Variants in ULK4 observed in about 807,000 individuals in gnomAD.
The protein encoded by ULK4 is unc-51 like kinase 4.
In ULK4, 133 loss-of-function variants were observed where a neutral mutation model predicts 160.6. That is an observed-to-expected ratio of 0.83 (90% CI 0.72 to 0.96). The LOEUF is 0.96. Ranked by LOEUF, ULK4 falls within the 40% of genes least tolerant of loss-of-function variation. The pLI is 0.00. For synonymous variants in ULK4, 534 were observed against 539.8 expected (o/e 0.99, Z 0.15); for missense variants, 1,580 against 1,499.5 (o/e 1.05, Z -0.89).
Position 41,825,995 on chromosome 3 carries a change from G to A in ULK4, c.1765-6489C>T, listed in dbSNP as rs576264445. On this transcript the variant is annotated intron_variant, in intron 18 of 36. Coordinates refer to ENST00000301831, the MANE Select transcript of ULK4 (RefSeq NM_017886.4). ...ACTCTACAAGCCAGAAGAGAGTGGGGACCAATATTCAACATTCTTAAAGAA... is the reference window on the plus strand; with the variant it reads ...ACTCTACAAGCCAGAAGAGAGTGGGAACCAATATTCAACATTCTTAAAGAA... 3.1e-3 allele frequency among the ~76,000 whole-genome samples: 477 copies of A among 152,292 alleles called. 1 individual carries two copies. The highest frequency in any genetic ancestry group is 0.011 in the African/African-American group (453 of 41,532).
At chr3:41,383,162 A>C (rs991794859) in intron 35 of ULK4, among the ~76,000 whole-genome samples, 11 of 151,016 alleles carry the variant, frequency 7.3e-5, no homozygotes, top group Non-Finnish European at 4.4e-5. Context: ...GCAATGGCGC[A>C]ATCTCAGGTC....
At chr3:41,269,288 A>G (rs182022207) in intron 35 of ULK4, among the ~76,000 whole-genome samples, 8 of 152,190 alleles carry the variant, frequency 5.3e-5, no homozygotes, top group African/African-American at 1.7e-4. Flanking sequence ...ATGCAAATCC[A>G]TGAAAGGAAT....
At chr3:41,557,908 T>G (rs1349605059) in intron 32 of ULK4, among the ~76,000 whole-genome samples, 1 of 152,080 alleles carries the variant, frequency 6.6e-6, no homozygotes, top group Non-Finnish European at 1.5e-5. Flanking sequence ...AAGACCTATA[T>G]AAAGAAAACT....
chr3:41,653,510 T>C (rs2034824453), intron 30 of ULK4, among the ~76,000 whole-genome samples: 1 of 152,202 alleles, frequency 6.6e-6, no homozygotes, highest in Non-Finnish European at 1.5e-5. Context: ...ACCTGAATAA[T>C]AAAATTCACA....
intron 30 of ULK4, among the ~76,000 whole-genome samples, chr3:41,654,137 C>A (rs1410420607): frequency 1.3e-5 from 2 of 152,176 alleles, no homozygotes; most frequent in Admixed American, 1.3e-4. Context: ...ACAAACTCAA[C>A]AGGTTCACAA....
At chr3:41,763,716 C>T (rs145394258) in intron 21 of ULK4, among the ~76,000 whole-genome samples, 35 of 152,292 alleles carry the variant, frequency 2.3e-4, no homozygotes, top group African/African-American at 7.7e-4. Context: ...TGGGTATACA[C>T]CTGCCAGGAG....
At chr3:41,384,656 C>G (rs1244604665) in intron 35 of ULK4, among the ~76,000 whole-genome samples, 1 of 152,166 alleles carries the variant, frequency 6.6e-6, no homozygotes, top group Non-Finnish European at 1.5e-5. Flanking sequence ...ATGATCTCGG[C>G]TCACTGCAAC....
rs147396812 is a variant in ULK4, at chr3:41,390,855, T to C, written c.3678+7224A>G. Among the ~76,000 whole-genome samples the C allele has an allele frequency of 2.4e-3, 365 of 152,250 alleles. 2 individuals carry two copies. Among genetic ancestry groups the C allele is most frequent in the African/African-American group, 8.4e-3 (351 of 41,558 alleles). On this transcript the variant is annotated intron_variant, in intron 35 of 36. Coordinates refer to ENST00000301831, the MANE Select transcript of ULK4 (RefSeq NM_017886.4). ...GAATGTATATTCTGTTGATTTGGGG[T>C]GGAGAGCTCTGTAGATGTCTATTAG...
At chr3:41,762,066 AG>A (rs2039000937) in intron 21 of ULK4, among the ~76,000 whole-genome samples, 1 of 152,224 alleles carries the variant, frequency 6.6e-6, no homozygotes, top group African/African-American at 2.4e-5. Flanking sequence ...CCTGGAAAAC[AG>A]AATGAGACCC....
At chr3:41,890,795 CGGGATGGGGGAAGGAAGGGAT>C in intron 16 of ULK4, among the ~76,000 whole-genome samples, 1 of 9,294 alleles carries the variant, frequency 1.1e-4, no homozygotes, top group African/African-American at 4.2e-4. Flanking sequence ...ACAGGAGGGA[CGGGATGGGGGAAGGAAGGGAT>C]GGGAGGGGGG....
chr3:41,667,005 A>G (rs1440091541), intron 29 of ULK4, among the ~76,000 whole-genome samples: 2 of 152,024 alleles, frequency 1.3e-5, no homozygotes, highest in South Asian at 2.1e-4. Flanking sequence ...TTATTTTTAA[A>G]TAATTGGGTG....
chr3:41,692,418 C>A (rs1440418526), intron 27 of ULK4, among the ~76,000 whole-genome samples: 1 of 150,912 alleles, frequency 6.6e-6, no homozygotes, highest in Non-Finnish European at 1.5e-5. Context: ...ACAATGAGTA[C>A]CTTTTTGCTG....
intron 35 of ULK4, among the ~76,000 whole-genome samples, chr3:41,387,039 C>A (rs1290193667): frequency 2.0e-5 from 3 of 152,044 alleles, no homozygotes; most frequent in Admixed American, 1.3e-4. Context: ...TCAGGAATAT[C>A]TCTTCAGGGA....
At chr3:41,797,489 T>C (rs2040336889) in intron 20 of ULK4, among the ~76,000 whole-genome samples, 2 of 152,084 alleles carry the variant, frequency 1.3e-5, no homozygotes, top group African/African-American at 4.8e-5. Flanking sequence ...AGCTCTGCAC[T>C]CTAAAAATTG....
intron 31 of ULK4, among the ~76,000 whole-genome samples, chr3:41,571,752 T>G (rs1427582928): frequency 6.6e-6 from 1 of 152,148 alleles, no homozygotes; most frequent in Non-Finnish European, 1.5e-5. Context: ...TAAGACTGAA[T>G]CCCAGGGTGA....
intron 21 of ULK4, among the ~76,000 whole-genome samples, chr3:41,785,528 T>C (rs1245014973): frequency 6.6e-6 from 1 of 152,188 alleles, no homozygotes; most frequent in African/African-American, 2.4e-5. Context: ...TGGAACTCTT[T>C]TGGAGACTGG....
intron 32 of ULK4, among the ~76,000 whole-genome samples, chr3:41,546,956 A>G (rs1353381516): frequency 4.6e-5 from 7 of 152,138 alleles, no homozygotes; most frequent in Admixed American, 2.0e-4. Context: ...TGTAATTAGT[A>G]GTTTTTCTAT....
intron 34 of ULK4, among the ~76,000 whole-genome samples, chr3:41,425,377 C>T (rs1161441112): frequency 2.0e-5 from 3 of 152,118 alleles, no homozygotes; most frequent in Non-Finnish European, 2.9e-5. Context: ...AACATACTTC[C>T]AGATATCATC....
At chr3:41,882,149 A>C (rs1697544048) in intron 17 of ULK4, 1 of 701,008 alleles carries the variant, frequency 1.4e-6, no homozygotes, top group Non-Finnish European at 2.6e-6. Flanking sequence ...CGGAGTCCCA[A>C]GAATGCTGAT....
Sources: gnomAD v4.1 joint callset for allele counts (sites outside exome capture counted in the v4.1 genomes callset) on GRCh38, gnomAD v4.1.1 for gene constraint, MANE v1.5 for transcripts, NCBI Gene and HGNC (gene_info 2026-07-23, HGNC 2026-07-21) for gene names.